CACNA1C: variants seen among roughly 807,000 people sequenced by gnomAD.
CACNA1C encodes calcium voltage-gated channel subunit alpha1 C, also known as voltage-dependent L-type calcium channel subunit alpha-1C.
CACNA1C carries 30 observed loss-of-function variants against 229.0 expected under a neutral mutation model. The ratio of observed to expected loss-of-function variants is 0.13; its 90% CI spans 0.10 to 0.18. The LOEUF is 0.18. Among genes scored for constraint, CACNA1C ranks in the 10% least tolerant of loss-of-function variants. CACNA1C has a pLI of 1.00. For synonymous variants in CACNA1C, 1,114 were observed against 1,132.5 expected, an observed-to-expected ratio of 0.98 and a Z score of 0.33; for missense variants, 1,658 against 2,845.0, an observed-to-expected ratio of 0.58 and a Z score of 9.49.
chr12:2,679,760 G>A lies in CACNA1C; in HGVS notation c.5408G>A (p.Arg1803Gln), dbSNP rs201918158. 31 of 1,587,750 alleles carry A rather than the reference G, an allele frequency of 2.0e-5. No homozygotes were observed. The highest frequency in any genetic ancestry group is 1.2e-4 in the East Asian group (5 of 43,342). Residue 1803 changes from arginine to glutamine, a missense_variant, in exon 42 of 47, where the codon CGG becomes CAG. Arg to Gln is a conservative substitution (Grantham distance 43, BLOSUM62 1). Transcript: ENST00000399655. This position sits in a 1 kb window ranked among gnomAD's most constrained non-coding sequence, Gnocchi z 5.5. The part of the protein sequence containing the change: ...GHGPPLSPAI[R>Q]VQEVAWKLSS... ...GGGCCCCCCTTGTCCCCTGCCATCC[G>A]GGTGCAGGAGGTGGCGTGGAAGCTC...
At chr12:2,260,586 C>T (rs919985456) in intron 3 of CACNA1C, among the ~76,000 whole-genome samples, 24 of 152,134 alleles carry the variant, frequency 1.6e-4, no homozygotes, top group African/African-American at 5.6e-4. Context: ...GCAAGGCTCT[C>T]ACTTCTGCTG....
At position 2,693,344 on chromosome 12, in the gene CACNA1C, C is replaced by T. The variant is rs1243884350; in HGVS notation, c.*2145C>T. ...AGGTAGCTGGCTTTCCCTTCCCTTC[C>T]ACCACACGGAATTTTCTCTTTGGCT... On this transcript the variant is annotated 3_prime_UTR_variant, in exon 47 of 47. Transcript: ENST00000399655. 6.6e-6 allele frequency: 1 copy of T among 152,202 alleles called. No homozygotes were observed. Among genetic ancestry groups the T allele is most frequent in the Non-Finnish European group, 1.5e-5 (1 of 68,062 alleles). 9.4% of individuals were successfully genotyped at this position (152,202 alleles called of 1,614,324 possible). A position where few individuals can be genotyped will look rare whatever the true frequency, so the allele number is the denominator to read the frequency against.
At position 2,470,917 on chromosome 12, in the gene CACNA1C, C is replaced by A. The variant is rs550107926; in HGVS notation, c.757+13211C>A. On this transcript the variant is annotated intron_variant, in intron 5 of 46. Transcript: ENST00000399655. The stretch of plus-strand genomic sequence containing the variant: ...TCAAGATCTCGGCTCACTGCAACCA[C>A]CCCCTCCCGGGTTCAAATGATTCTC... Among the ~76,000 whole-genome samples the A allele has an allele frequency of 2.6e-5, 4 of 152,078 alleles. No individual in the cohort carries two copies. In the South Asian group the frequency reaches 6.2e-4, roughly 24 times the overall value.
intron 27 of CACNA1C, 139 bp from the exon 28 acceptor site, chr12:2,610,402 C>T (rs1463665251): frequency 3.9e-5 from 30 of 776,586 alleles, no homozygotes; most frequent in East Asian, 1.9e-4. Context: ...TGAGCCGGAG[C>T]GGCCAATGAT....
rs755417751 is a variant in CACNA1C, at chr12:2,177,634, C to CTCTTTCTTTCTTTCTT, written c.477+57210_477+57225dup. 6.9e-4 allele frequency among the ~76,000 whole-genome samples: 78 copies of CTCTTTCTTTCTTTCTT among 112,970 alleles called. 3 individuals carry two copies. The highest frequency in any genetic ancestry group is 2.6e-3 in the African/African-American group (70 of 26,988). 74.1% of individuals were successfully genotyped at this position (112,970 alleles called of 152,430 possible). On this transcript the variant is annotated intron_variant, in intron 3 of 46. Coordinates refer to ENST00000399655, the MANE Select transcript of CACNA1C (RefSeq NM_000719.7). ...CTTCCTTCCTTCCTTCCTTCTCTCT[C>CTCTTTCTTTCTTTCTT]TCTTTCTTTCTTTCTTTCTTTTTCT...
In CACNA1C at chr12:2,653,861, C is replaced by A. The variant is rs201174821; in HGVS notation, c.4101C>A (p.Ile1367=). The A allele has an allele frequency of 1.2e-6, 2 of 1,613,910 alleles. No individual in the cohort carries two copies. Among genetic ancestry groups the A allele is most frequent in the Non-Finnish European group, 1.7e-6 (2 of 1,179,882 alleles). The change falls in exon 33 of 47, where the codon ATC becomes ATA. Residue 1367 remains isoleucine, a synonymous_variant. Coordinates refer to ENST00000399655, the MANE Select transcript of CACNA1C (RefSeq NM_000719.7). The surrounding 1 kb of genome is among the most constrained non-coding windows in gnomAD (Gnocchi z 4.7). ...FQALPYVALL[I]VMLFFIYAVI... is the part of the protein sequence containing the mutation. ...CCCTGCCCTATGTGGCCCTCCTGAT[C>A]GTGATGCTGTTCTTCATCTACGCGG...
At chr12:2,428,660 C>T (rs2099054987) in intron 3 of CACNA1C, among the ~76,000 whole-genome samples, 1 of 152,230 alleles carries the variant, frequency 6.6e-6, no homozygotes, top group South Asian at 2.1e-4. Context: ...TGTGCTGTGA[C>T]ACTCATGGTC....
chr12:2,555,531 T>C (rs2043673524), intron 10 of CACNA1C, among the ~76,000 whole-genome samples: 2 of 152,140 alleles, frequency 1.3e-5, no homozygotes, highest in South Asian at 4.1e-4. Flanking sequence ...GCACCTAGGC[T>C]CCCCAGCACC....
At chr12:2,351,594 C>T (rs967073124) in intron 3 of CACNA1C, among the ~76,000 whole-genome samples, 4 of 152,148 alleles carry the variant, frequency 2.6e-5, no homozygotes. Context: ...GGGTCCAGGG[C>T]GTGGCTGGCA....
At chr12:2,086,621 C>CAGG (rs2067775763) in intron 1 of CACNA1C, among the ~76,000 whole-genome samples, 1 of 152,214 alleles carries the variant, frequency 6.6e-6, no homozygotes, top group African/African-American at 2.4e-5. Context: ...GCAGTTACTC[C>CAGG]TGGTCAGGTG....
intron 3 of CACNA1C, among the ~76,000 whole-genome samples, chr12:2,312,725 A>G (rs558234686): frequency 2.4e-4 from 37 of 152,210 alleles, no homozygotes; most frequent in African/African-American, 8.9e-4. Context: ...TTTGACTTCC[A>G]TATGTCCAAC....
intron 3 of CACNA1C, among the ~76,000 whole-genome samples, chr12:2,154,946 C>T (rs1243099770): frequency 3.3e-5 from 5 of 152,228 alleles, no homozygotes; most frequent in Admixed American, 1.3e-4. Context: ...CCGGAGCCGG[C>T]TCTGTGCTCT....
chr12:2,245,332 A>C (rs994824455), intron 3 of CACNA1C, among the ~76,000 whole-genome samples: 1 of 152,196 alleles, frequency 6.6e-6, no homozygotes, highest in Non-Finnish European at 1.5e-5. Flanking sequence ...CAGCACATGC[A>C]TGCTTGCTTA....
intron 3 of CACNA1C, among the ~76,000 whole-genome samples, chr12:2,224,557 A>C (rs530441481): frequency 6.6e-6 from 1 of 152,310 alleles, no homozygotes; most frequent in Admixed American, 6.5e-5. Flanking sequence ...GCATGTTAGT[A>C]GTAAGGGAAG....
chr12:2,097,419 T>G (rs2074647361), intron 1 of CACNA1C, among the ~76,000 whole-genome samples: 1 of 152,136 alleles, frequency 6.6e-6, no homozygotes, highest in African/African-American at 2.4e-5. Context: ...GTGCTGGGAT[T>G]ACAGATGTGA....
chr12:2,352,337 A>G (rs1300738911), intron 3 of CACNA1C, among the ~76,000 whole-genome samples: 1 of 152,242 alleles, frequency 6.6e-6, no homozygotes, highest in Non-Finnish European at 1.5e-5. Flanking sequence ...CTGAAAATAC[A>G]GTTACCCTGT....
At position 2,208,783 on chromosome 12, in the gene CACNA1C, A is replaced by G. The variant is rs553957609; in HGVS notation, c.477+88353A>G. 2.5e-4 allele frequency among the ~76,000 whole-genome samples: 38 copies of G among 152,326 alleles called. No individual in the cohort carries two copies. In the South Asian group the frequency reaches 7.7e-3, roughly 31 times the overall value. Reference sequence around the variant, plus strand: ...TATCCATCCTCTTTTGTCCCAATCCAGGAAATGTATTTTACCCAATAACAA... The same window carrying G: ...TATCCATCCTCTTTTGTCCCAATCCGGGAAATGTATTTTACCCAATAACAA... On this transcript the variant is annotated intron_variant, in intron 3 of 46. Transcript: ENST00000399655.
chr12:2,055,612 C>G (rs924341857), intron 1 of CACNA1C, among the ~76,000 whole-genome samples: 6 of 152,138 alleles, frequency 3.9e-5, no homozygotes, highest in African/African-American at 1.4e-4. Context: ...CAGAGAGGTT[C>G]CTGAGAAAGG....
chr12:2,267,278 C>G (rs1423111791), intron 3 of CACNA1C, among the ~76,000 whole-genome samples: 1 of 152,202 alleles, frequency 6.6e-6, no homozygotes, highest in Non-Finnish European at 1.5e-5. Flanking sequence ...TGAACTCTCT[C>G]AGGCTGGAGC....
Sources: allele counts gnomAD v4.1 joint callset (sites outside exome capture counted in the v4.1 genomes callset), GRCh38; gene constraint gnomAD v4.1.1; non-coding constraint Gnocchi (gnomAD v3.1); transcripts MANE v1.5; gene names NCBI Gene and HGNC (gene_info 2026-07-23, HGNC 2026-07-21).